Variants in SLC9B1 observed in about 807,000 individuals in gnomAD.
SLC9B1 encodes sodium/hydrogen exchanger 9B1.
Under a neutral mutation model 51.7 loss-of-function variants are expected in SLC9B1, and 32 were observed. The observed-to-expected ratio is 0.62, with a 90% confidence interval of 0.47 to 0.83. The LOEUF (loss-of-function observed/expected upper bound fraction) is 0.83. Ranked by LOEUF, SLC9B1 falls within the 40% of genes least tolerant of loss-of-function variation. SLC9B1 has a pLI of 0.00. For synonymous variants in SLC9B1, 145 were observed against 212.7 expected, an observed-to-expected ratio of 0.68 and a Z score of 2.77; for missense variants, 406 against 613.2, an observed-to-expected ratio of 0.66 and a Z score of 3.57.
At chr4:103,012,277 G>C (rs565413491) in intron 1 of SLC9B1, among the ~76,000 whole-genome samples, 3 of 152,302 alleles carry the variant, frequency 2.0e-5, no homozygotes, top group Admixed American at 2.0e-4. Context: ...ATTCAGCCAA[G>C]TTCTTTGCTA....
chr4:103,008,114 T>C (rs913429412), intron 1 of SLC9B1, among the ~76,000 whole-genome samples: 5 of 152,206 alleles, frequency 3.3e-5, no homozygotes, highest in Non-Finnish European at 5.9e-5. Context: ...AAAATCCTTT[T>C]CGGAATGAGG....
At chr4:102,923,837 T>C (rs1250466308) in intron 7 of SLC9B1, among the ~76,000 whole-genome samples, 2 of 152,072 alleles carry the variant, frequency 1.3e-5, no homozygotes, top group Non-Finnish European at 2.9e-5. Context: ...TACCTAGGAA[T>C]CCAACTTACA....
At chr4:102,902,782 G>A (rs1734848918) in intron 11 of SLC9B1, among the ~76,000 whole-genome samples, 1 of 152,032 alleles carries the variant, frequency 6.6e-6, no homozygotes, top group Non-Finnish European at 1.5e-5. Flanking sequence ...TTGCCAAGCT[G>A]ATCTTACATT....
chr4:102,920,122 A>G (rs149660973), intron 7 of SLC9B1, among the ~76,000 whole-genome samples: 2,538 of 152,320 alleles, frequency 0.017, 69 homozygotes, highest in African/African-American at 0.055. Context: ...ACCCCTGTGT[A>G]GCCTAACTGG....
rs1325374792 is a variant in SLC9B1, at chr4:102,901,130, A to C, written c.1535T>G (p.Leu512Ter). Reference sequence around the variant, plus strand: ...CAGGTAAACTTTTTAATGATGTTCTAATGTTGACAACTGCAGTTTTATTTT... The same window carrying C: ...CAGGTAAACTTTTTAATGATGTTCTCATGTTGACAACTGCAGTTTTATTTT... ...PSKIKLQLST[L>*]EHH Residue 512 changes from leucine to a stop codon, truncating the protein, a stop_gained, in exon 12 of 12, where the codon TTA (leucine) becomes TGA (stop). Coordinates refer to ENST00000296422, the MANE Select transcript of SLC9B1 (RefSeq NM_139173.4). LOFTEE classifies it high-confidence loss of function. 2 of 1,610,870 alleles carry C rather than the reference A, an allele frequency of 1.2e-6. No individual in the cohort carries two copies.
intron 11 of SLC9B1, among the ~76,000 whole-genome samples, chr4:102,895,250 A>C (rs192128873): frequency 3.9e-4 from 60 of 152,310 alleles, no homozygotes; most frequent in Admixed American, 3.1e-3. Flanking sequence ...AACAATTCAA[A>C]GAAAACAAAA....
chr4:102,942,083 A>G (rs776424131), intron 6 of SLC9B1, among the ~76,000 whole-genome samples: 4 of 152,002 alleles, frequency 2.6e-5, no homozygotes, highest in Non-Finnish European at 5.9e-5. Context: ...ACAAACAAAC[A>G]ACAAACAAAC....
At chr4:102,911,747 A>G (rs187378677) in intron 7 of SLC9B1, among the ~76,000 whole-genome samples, 1 of 152,300 alleles carries the variant, frequency 6.6e-6, no homozygotes, top group East Asian at 1.9e-4. Flanking sequence ...TAATATATAC[A>G]CACAACTCAG....
At chr4:102,948,317 C>A (rs1737368227) in intron 4 of SLC9B1, among the ~76,000 whole-genome samples, 1 of 136,656 alleles carries the variant, frequency 7.3e-6, no homozygotes, top group South Asian at 2.3e-4. Context: ...CCGAATCAGG[C>A]AAAGCCATAC....
intron 1 of SLC9B1, among the ~76,000 whole-genome samples, chr4:103,000,512 T>C (rs139976421): frequency 2.0e-5 from 3 of 152,214 alleles, no homozygotes; most frequent in Admixed American, 6.5e-5. Flanking sequence ...ACTTCCAAGA[T>C]ACAATGAGGG....
downstream of SLC9B1, among the ~76,000 whole-genome samples, chr4:102,898,909 A>AT (rs1209925142): frequency 4.6e-5 from 7 of 151,578 alleles, no homozygotes; most frequent in East Asian, 7.8e-4. Flanking sequence ...TTGTATTTTT[A>AT]TTTTTTTTGT....
chr4:102,936,159 C>T (rs1306505744), intron 6 of SLC9B1, among the ~76,000 whole-genome samples: 1 of 152,118 alleles, frequency 6.6e-6, no homozygotes, highest in East Asian at 1.9e-4. Context: ...TGAGCCTTTG[C>T]CCCCTGAAAT....
intron 3 of SLC9B1, among the ~76,000 whole-genome samples, chr4:102,976,075 G>C (rs370981842): frequency 6.6e-6 from 1 of 152,130 alleles, no homozygotes; most frequent in African/African-American, 2.4e-5. Context: ...AAACCAGTTG[G>C]TGCCTCAGAA....
Position 102,988,390 on chromosome 4 carries a change from CAT to C in SLC9B1, c.211+1408_211+1409del, listed in dbSNP as rs540689226. Reference sequence around the variant, plus strand: ...TTCTTATTTAAATTTAACTTGTACACATGTGGTATTGGTGAATTAACTATTAT... The same window carrying C: ...TTCTTATTTAAATTTAACTTGTACACGTGGTATTGGTGAATTAACTATTAT... On this transcript the variant is annotated intron_variant, in intron 3 of 11. Transcript: ENST00000296422. Among the ~76,000 whole-genome samples the C allele has an allele frequency of 3.1e-3, 472 of 152,240 alleles. 1 individual carries two copies. Among genetic ancestry groups the C allele is most frequent in the African/African-American group, 0.01 (435 of 41,562 alleles).
chr4:102,942,046 C>T (rs2110469383), intron 6 of SLC9B1, among the ~76,000 whole-genome samples: 1 of 152,118 alleles, frequency 6.6e-6, no homozygotes, highest in Admixed American at 6.6e-5. Flanking sequence ...AAGATCTCAA[C>T]CCCTTTTACA....
At chr4:103,010,626 A>G (rs1010662392) in intron 1 of SLC9B1, among the ~76,000 whole-genome samples, 8 of 152,228 alleles carry the variant, frequency 5.3e-5, no homozygotes, top group African/African-American at 1.9e-4. Flanking sequence ...GCATCTGGTA[A>G]AAGCTCAGAT....
At chr4:102,941,518 T>C (rs1369992691) in intron 6 of SLC9B1, 3 of 454,094 alleles carry the variant, frequency 6.6e-6, no homozygotes, top group South Asian at 4.7e-5. Context: ...CTTGGGGAGC[T>C]ACTCCCAGGT....
intron 3 of SLC9B1, among the ~76,000 whole-genome samples, chr4:102,973,018 A>T (rs1298389087): frequency 1.3e-5 from 2 of 152,246 alleles, no homozygotes; most frequent in Non-Finnish European, 2.9e-5. Flanking sequence ...AAAAACCTTG[A>T]TCAATCTAAC....
chr4:103,018,609 G>A lies in SLC9B1; in HGVS notation c.-2+990C>T, dbSNP rs112133220. 3.2e-3 allele frequency among the ~76,000 whole-genome samples: 488 copies of A among 152,248 alleles called. 5 individuals are homozygous for A. Among genetic ancestry groups the A allele is most frequent in the Middle Eastern group, 0.017 (5 of 294 alleles). Reference sequence around the variant, plus strand: ...GCCTCCCTCAGTGCCACCTGGGCCAGTTGTCTCCCCACATCACCAAATCTG... The same window carrying A: ...GCCTCCCTCAGTGCCACCTGGGCCAATTGTCTCCCCACATCACCAAATCTG... On this transcript the variant is annotated intron_variant, in intron 1 of 11. Coordinates refer to ENST00000296422, the MANE Select transcript of SLC9B1 (RefSeq NM_139173.4).
Sources: gnomAD v4.1 joint callset for allele counts (sites outside exome capture counted in the v4.1 genomes callset) on GRCh38, gnomAD v4.1.1 for gene constraint, MANE v1.5 for transcripts, NCBI Gene and HGNC (gene_info 2026-07-23, HGNC 2026-07-21) for gene names.